Variants in ALPK2 observed in about 807,000 individuals in gnomAD.
The protein encoded by ALPK2 is alpha-protein kinase 2.
In ALPK2, 127 loss-of-function variants were observed where a neutral mutation model predicts 163.1. That is an observed-to-expected ratio of 0.78 (90% CI 0.67 to 0.90). The LOEUF is 0.90. Ranked by LOEUF, ALPK2 falls within the 40% of genes least tolerant of loss-of-function variation. The pLI is 0.00. For missense variants in ALPK2, 2,360 were observed against 2,589.6 expected (o/e 0.91, Z 1.92); for synonymous variants, 953 against 959.1 (o/e 0.99, Z 0.12).
chr18:58,616,528 G>T (rs12326179), intron 1 of ALPK2, among the ~76,000 whole-genome samples: 1 of 152,106 alleles, frequency 6.6e-6, no homozygotes, highest in Admixed American at 6.5e-5. Context: ...GTTGTCAATC[G>T]TGCCTATGTA....
Position 58,579,443 on chromosome 18 carries a change from C to A in ALPK2, c.1333G>T (p.Glu445Ter). 1 of 1,614,138 alleles carries A rather than the reference C, an allele frequency of 6.2e-7. No individual in the cohort carries two copies. Among genetic ancestry groups the A allele is most frequent in the South Asian group, 1.1e-5 (1 of 91,080 alleles). Residue 445 changes from glutamate to a stop codon, truncating the protein, a stop_gained, in exon 4 of 13, where the codon GAA (glutamate) becomes TAA (stop). Coordinates refer to ENST00000361673, the MANE Select transcript of ALPK2 (RefSeq NM_052947.4). LOFTEE classifies it high-confidence loss of function. ...GTGGGGAGTTTATATCTCCCCTGTTCTGTCACTGAAGACGTTCCATCCTGG... is the reference window on the plus strand; with the variant it reads ...GTGGGGAGTTTATATCTCCCCTGTTATGTCACTGAAGACGTTCCATCCTGG... ...PHQDGTSSVT[E>*]QGRYKLPTAP...
intron 3 of ALPK2, among the ~76,000 whole-genome samples, chr18:58,597,976 G>C (rs2052049381): frequency 6.6e-6 from 1 of 152,228 alleles, no homozygotes; most frequent in Admixed American, 6.5e-5. Flanking sequence ...GCCCTTACCA[G>C]AACCTAACCA....
At chr18:58,491,630 T>C (rs868754793) in intron 12 of ALPK2, among the ~76,000 whole-genome samples, 2 of 152,300 alleles carry the variant, frequency 1.3e-5, no homozygotes, top group African/African-American at 4.8e-5. Context: ...CAATCAGCAC[T>C]ACCCCCACTT....
At chr18:58,550,014 G>A (rs1276878648) in intron 4 of ALPK2, among the ~76,000 whole-genome samples, 1 of 152,090 alleles carries the variant, frequency 6.6e-6, no homozygotes, top group Admixed American at 6.5e-5. Context: ...CAGTAGCTCT[G>A]AGCAGGGAAG....
chr18:58,500,938 T>C (rs1393697069), intron 11 of ALPK2, among the ~76,000 whole-genome samples: 2 of 152,118 alleles, frequency 1.3e-5, no homozygotes, highest in African/African-American at 2.4e-5. Context: ...GGCATAATCT[T>C]CTAAATGAGC....
intron 4 of ALPK2, among the ~76,000 whole-genome samples, chr18:58,562,819 C>T (rs2051831799): frequency 1.3e-5 from 2 of 152,330 alleles, no homozygotes; most frequent in African/African-American, 2.4e-5. Context: ...CAGGTGGCTG[C>T]CTTCTCGTTG....
chr18:58,595,386 C>G (rs1270240527), intron 3 of ALPK2, among the ~76,000 whole-genome samples: 4 of 152,164 alleles, frequency 2.6e-5, no homozygotes, highest in African/African-American at 9.7e-5. Flanking sequence ...CTCCATGAAT[C>G]CTTATTTTTG....
chr18:58,540,997 G>A (rs1859579677), intron 4 of ALPK2, among the ~76,000 whole-genome samples: 1 of 152,142 alleles, frequency 6.6e-6, no homozygotes, highest in Admixed American at 6.5e-5. Flanking sequence ...GGATGAGCTT[G>A]GTCACTGGAA....
At chr18:58,562,938 G>A (rs910913972) in intron 4 of ALPK2, among the ~76,000 whole-genome samples, 1 of 152,128 alleles carries the variant, frequency 6.6e-6, no homozygotes, top group Non-Finnish European at 1.5e-5. Context: ...ATCTAAACCC[G>A]ATTACTTCCC....
chr18:58,514,799 T>C (rs1475186212), intron 10 of ALPK2, among the ~76,000 whole-genome samples, 194 bp downstream of exon 10: 1 of 148,822 alleles, frequency 6.7e-6, no homozygotes, highest in Admixed American at 6.7e-5. Context: ...ATATTAAATA[T>C]AATATTATTA....
At chr18:58,545,053 T>C (rs2051710383) in intron 4 of ALPK2, 1 of 152,166 alleles carries the variant, frequency 6.6e-6, no homozygotes. Flanking sequence ...CAGGATGTAA[T>C]GCCTGGTGCT....
intron 12 of ALPK2, among the ~76,000 whole-genome samples, chr18:58,488,537 G>T (rs191604782): frequency 6.7e-6 from 1 of 150,354 alleles, no homozygotes; most frequent in African/African-American, 2.5e-5. Flanking sequence ...TTCCAGCCCC[G>T]GCTGAGTTAG....
At chr18:58,510,933 G>T (rs1431761083) in intron 10 of ALPK2, among the ~76,000 whole-genome samples, 2 of 152,220 alleles carry the variant, frequency 1.3e-5, no homozygotes, top group Admixed American at 1.3e-4. Context: ...TTGAATAGGA[G>T]TGGTGAGAGA....
Position 58,535,842 on chromosome 18 carries a change from G to A in ALPK2, c.4345C>T (p.Pro1449Ser), listed in dbSNP as rs3809982. The change falls in exon 5 of 13, where the codon CCG becomes TCG. Residue 1449 changes from proline (P) to serine (S), a missense_variant. By Grantham distance (74) the Pro-to-Ser change is moderately conservative. Transcript: ENST00000361673. Reference sequence around the variant, plus strand: ...AGACATGGAACTTGCAAAATGGCCGGCTGGATTTCCGCTTCGTGGCCCATG... The same window carrying A: ...AGACATGGAACTTGCAAAATGGCCGACTGGATTTCCGCTTCGTGGCCCATG... ...GNMGHEAEIQ[P>S]AILQVPCLQG... is the part of the protein sequence containing the mutation. The A allele has an allele frequency of 0.47, 758,456 of 1,613,924 alleles. 183,460 individuals are homozygous for A. The highest frequency in any genetic ancestry group is 0.51 in the Non-Finnish European group (596,083 of 1,179,942).
chr18:58,487,720 A>G (rs1364834382), intron 12 of ALPK2, among the ~76,000 whole-genome samples: 1 of 152,014 alleles, frequency 6.6e-6, no homozygotes, highest in South Asian at 2.1e-4. Flanking sequence ...CACTAAATGT[A>G]CTCCACTGAA....
chr18:58,535,439 G>A lies in ALPK2; in HGVS notation c.4748C>T (p.Pro1583Leu), dbSNP rs1485652807. 6.2e-7 allele frequency: 1 copy of A among 1,614,072 alleles called. No homozygotes were observed. Among genetic ancestry groups the A allele is most frequent in the East Asian group, 2.2e-5 (1 of 44,902 alleles). ...AATAGTTCCCCTTTTCTGTGAAACAGGAAACACATACTGACGCTTTCTGGG... is the reference window on the plus strand; with the variant it reads ...AATAGTTCCCCTTTTCTGTGAAACAAGAAACACATACTGACGCTTTCTGGG... ...VEPRKRQYVF[P>L]VSQKRGTIEN... The change falls in exon 5 of 13, where the codon CCT becomes CTT. Residue 1583 changes from proline to leucine, a missense_variant. Coordinates refer to ENST00000361673, the MANE Select transcript of ALPK2 (RefSeq NM_052947.4).
In ALPK2 at chr18:58,554,689, T is replaced by G. The variant is rs778200344; in HGVS notation, c.1963-16465A>C. Among the ~76,000 whole-genome samples the G allele has an allele frequency of 8.5e-5, 13 of 152,290 alleles. 1 individual carries two copies. The highest frequency in any genetic ancestry group is 5.9e-4 in the Admixed American group (9 of 15,300). On this transcript the variant is annotated intron_variant, in intron 4 of 12. Transcript: ENST00000361673. ...ACAGGCTTCTCTGCCCTCCCTTTTC[T>G]CAGGTCTGGAGATTCAAAGGATCTG...
intron 1 of ALPK2, among the ~76,000 whole-genome samples, chr18:58,613,564 G>A (rs1020939368): frequency 2.2e-4 from 34 of 151,854 alleles, no homozygotes; most frequent in East Asian, 5.8e-4. Context: ...ATGGTGACTC[G>A]TTCCTGTAAT....
At chr18:58,525,967 GAAAAAAAAA>G (rs10653750) in intron 6 of ALPK2, among the ~76,000 whole-genome samples, 3 of 117,684 alleles carry the variant, frequency 2.5e-5, no homozygotes, top group East Asian at 2.9e-4. Context: ...TGATGAAAAA[GAAAAAAAAA>G]AAAAAAAAAA....
Sources: allele counts gnomAD v4.1 joint callset (sites outside exome capture counted in the v4.1 genomes callset), GRCh38; gene constraint gnomAD v4.1.1; transcripts MANE v1.5; gene names NCBI Gene and HGNC (gene_info 2026-07-23, HGNC 2026-07-21).